Variants in SLC44A5 observed in about 807,000 individuals in gnomAD.
The protein encoded by SLC44A5 is solute carrier family 44 member 5.
A neutral mutation model predicts 101.8 loss-of-function variants in SLC44A5; 57 were observed. The ratio of observed to expected loss-of-function variants is 0.56; its 90% CI spans 0.45 to 0.70. The LOEUF (loss-of-function observed/expected upper bound fraction) is 0.70, where lower values mean the gene tolerates loss of function less well. Ranked by LOEUF, SLC44A5 falls within the 30% of genes least tolerant of loss-of-function variation. SLC44A5 has a pLI of 0.00. For synonymous variants in SLC44A5, 281 were observed against 290.9 expected, an observed-to-expected ratio of 0.97 and a Z score of 0.35; for missense variants, 737 against 853.1, an observed-to-expected ratio of 0.86 and a Z score of 1.70.
At chr1:75,223,899 A>C (rs1347975451) in intron 13 of SLC44A5, among the ~76,000 whole-genome samples, 2 of 152,190 alleles carry the variant, frequency 1.3e-5, no homozygotes, top group Non-Finnish European at 2.9e-5. Context: ...ATTATGCTAA[A>C]ATTGTTATCT....
At chr1:75,715,078 T>C in the SLC44A5 span, among the ~76,000 whole-genome samples, 1 of 152,064 alleles carries the variant, frequency 6.6e-6, no homozygotes, top group Non-Finnish European at 1.5e-5. Flanking sequence ...TACCTAGAAA[T>C]ATAGCTAACC....
chr1:75,609,442 T>C (rs1259950485), intron 1 of SLC44A5, among the ~76,000 whole-genome samples: 1 of 152,074 alleles, frequency 6.6e-6, no homozygotes, highest in East Asian at 1.9e-4. Flanking sequence ...TTATTTTTGA[T>C]GGTGAGAATA....
upstream of SLC44A5, among the ~76,000 whole-genome samples, chr1:75,615,294 C>T (rs912778000): frequency 6.6e-5 from 10 of 152,146 alleles, 1 homozygote; most frequent in African/African-American, 2.4e-4. Flanking sequence ...CTCCAATCTC[C>T]TCCTGAGGAT....
chr1:75,407,165 C>T (rs973206197), intron 2 of SLC44A5, among the ~76,000 whole-genome samples: 2 of 151,980 alleles, frequency 1.3e-5, no homozygotes, highest in African/African-American at 4.8e-5. Context: ...ATGTGAAGGA[C>T]CTCTTCAAAG....
chr1:75,296,601 A>G (rs1295701426), intron 5 of SLC44A5, among the ~76,000 whole-genome samples: 1 of 151,980 alleles, frequency 6.6e-6, no homozygotes, highest in Non-Finnish European at 1.5e-5. Context: ...CCTCATTACC[A>G]CAGCAACAGT....
At chr1:75,711,523 C>T in the SLC44A5 span, among the ~76,000 whole-genome samples, 1 of 152,282 alleles carries the variant, frequency 6.6e-6, no homozygotes, top group South Asian at 2.1e-4. Flanking sequence ...TGTCAGACTG[C>T]TTCAGCACAA....
intron 2 of SLC44A5, among the ~76,000 whole-genome samples, chr1:75,517,438 A>T (rs1050655817): frequency 1.3e-5 from 2 of 152,192 alleles, no homozygotes; most frequent in Non-Finnish European, 2.9e-5. Context: ...TGACAAAAAA[A>T]AACTTTATGA....
rs1438894875 is a variant in SLC44A5, at chr1:75,215,929, CAACATTT to C, written c.1625-79_1625-73del. On this transcript the variant is annotated intron_variant, in intron 18 of 23. Transcript: ENST00000370859. ...CTTATCAGTCAAAATAAATATAATA[CAACATTT>C]AAAATGAGATTTAAAATTTTTTATT... The C allele has an allele frequency of 2.6e-5, 21 of 816,620 alleles. No individual in the cohort carries two copies. In the Admixed American group the frequency reaches 4.8e-4, roughly 19 times the overall value. 50.6% of individuals were successfully genotyped at this position (816,620 alleles called of 1,614,324 possible).
chr1:75,315,257 T>C (rs1251787823), intron 4 of SLC44A5, among the ~76,000 whole-genome samples: 1 of 152,174 alleles, frequency 6.6e-6, no homozygotes, highest in Non-Finnish European at 1.5e-5. Context: ...CCATCATTAT[T>C]TATACATCTA....
At chr1:75,449,567 T>C (rs1170357548) in intron 2 of SLC44A5, among the ~76,000 whole-genome samples, 1 of 152,170 alleles carries the variant, frequency 6.6e-6, no homozygotes, top group Non-Finnish European at 1.5e-5. Context: ...CATGCCCCTA[T>C]AACTATTTTC....
chr1:75,254,162 CT>C (rs1649817685), intron 6 of SLC44A5, among the ~76,000 whole-genome samples: 1 of 152,022 alleles, frequency 6.6e-6, no homozygotes, highest in African/African-American at 2.4e-5. Flanking sequence ...CCTCGGCCTT[CT>C]GAGTAGATGG....
chr1:75,264,965 C>T (rs76980494), intron 6 of SLC44A5, among the ~76,000 whole-genome samples: 8,727 of 152,004 alleles, frequency 0.057, 283 homozygotes, highest in Middle Eastern at 0.13. Flanking sequence ...AAATGAAAAA[C>T]GCTATCAGAG....
At chr1:75,367,577 T>C (rs1267789661) in intron 3 of SLC44A5, among the ~76,000 whole-genome samples, 1 of 152,006 alleles carries the variant, frequency 6.6e-6, no homozygotes, top group East Asian at 1.9e-4. Flanking sequence ...TGCTTCAGAG[T>C]CCACAGTCAG....
At position 75,227,797 on chromosome 1, in the gene SLC44A5, G is replaced by T. The variant is rs1647247872; in HGVS notation, c.914C>A (p.Thr305Asn). Reference protein sequence around the residue: ...NLQERPSSVLTIYDIGIQTNI... With the variant: ...NLQERPSSVLNIYDIGIQTNI... ...AGTCTGAATCCCGATGTCATAGATA[G>T]TTAATACAGAACTTGGGCGTTCCTG... is the stretch of plus-strand genomic sequence containing the variant. Residue 305 changes from threonine (T) to asparagine (N), a missense_variant, in exon 13 of 24, where the codon ACT becomes AAT. Thr to Asn is a moderately conservative substitution (Grantham distance 65, BLOSUM62 0). Transcript: ENST00000370859. 6.3e-7 allele frequency: 1 copy of T among 1,599,190 alleles called. No homozygotes were observed. The highest frequency in any genetic ancestry group is 1.4e-5 in the African/African-American group (1 of 73,982).
intron 1 of SLC44A5, among the ~76,000 whole-genome samples, chr1:75,573,090 T>C (rs1673163689): frequency 8.8e-6 from 1 of 114,106 alleles, no homozygotes; most frequent in African/African-American, 3.5e-5. Flanking sequence ...ACCACCGCGC[T>C]CCAGCCTGAG....
intron 1 of SLC44A5, among the ~76,000 whole-genome samples, chr1:75,564,226 A>C (rs1451593676): frequency 6.6e-6 from 1 of 152,238 alleles, no homozygotes; most frequent in Non-Finnish European, 1.5e-5. Flanking sequence ...CCAAAGAAGC[A>C]GTTTACAGGA....
Position 75,233,843 on chromosome 1 carries a change from A to AT in SLC44A5, c.853+142dup, listed in dbSNP as rs1308350618. 22 of 631,954 alleles carry AT rather than the reference A, an allele frequency of 3.5e-5. No individual in the cohort carries two copies. In the Admixed American group the frequency reaches 5.2e-4, roughly 15 times the overall value. 39.1% of individuals were successfully genotyped at this position (631,954 alleles called of 1,614,324 possible). On this transcript the variant is annotated intron_variant, in intron 12 of 23. Transcript: ENST00000370859. ...AGAGACAATATATGCAAAATGAAAT[A>AT]TTTTTTCTAAGTTTAAAGCTTTTTT...
chr1:75,542,959 C>T (rs765848501), intron 1 of SLC44A5, among the ~76,000 whole-genome samples: 1 of 152,124 alleles, frequency 6.6e-6, no homozygotes, highest in Non-Finnish European at 1.5e-5. Context: ...GTTATCTGAA[C>T]ATGTGACTCT....
chr1:75,521,941 G>A (rs966832780), intron 2 of SLC44A5: 1 of 152,380 alleles, frequency 6.6e-6, no homozygotes, highest in Non-Finnish European at 1.5e-5. Context: ...TGGTCTTTGG[G>A]TTTCACAAAA....
Sources: gnomAD v4.1 joint callset for allele counts (sites outside exome capture counted in the v4.1 genomes callset) on GRCh38, gnomAD v4.1.1 for gene constraint, MANE v1.5 for transcripts, NCBI Gene and HGNC (gene_info 2026-07-23, HGNC 2026-07-21) for gene names.